The following SLC44A3 variants were observed in gnomAD, a reference collection of about 807,000 sequenced individuals.
SLC44A3 encodes choline transporter-like protein 3.
Under a neutral mutation model 75.4 loss-of-function variants are expected in SLC44A3, and 74 were observed. That is an observed-to-expected ratio of 0.98 (90% confidence interval 0.81 to 1.19). The LOEUF (loss-of-function observed/expected upper bound fraction) is 1.19, where lower values mean the gene tolerates loss of function less well. Ranked by LOEUF, SLC44A3 falls within the 50% of genes most tolerant of loss-of-function variation. The pLI, the probability that SLC44A3 is intolerant of heterozygous loss-of-function variation, is 0.00. For missense variants in SLC44A3, 700 were observed against 778.6 expected (o/e 0.90, Z 1.20); for synonymous variants, 310 against 296.9 (o/e 1.04, Z -0.45).
At chr1:94,892,645 C>A in intron 14 of SLC44A3, 128 bp downstream of exon 14, 3 of 897,026 alleles carry the variant, frequency 3.3e-6, no homozygotes, top group Non-Finnish European at 5.2e-6. Flanking sequence ...GCTTCTACTA[C>A]CCCCGGGCCT....
At chr1:94,871,620 G>A (rs981246823) in intron 12 of SLC44A3, among the ~76,000 whole-genome samples, 3 of 152,220 alleles carry the variant, frequency 2.0e-5, no homozygotes, top group African/African-American at 7.2e-5. Flanking sequence ...CAGCCATGAT[G>A]TTGGCTTTAG....
chr1:94,843,877 G>T (rs1438421081), intron 8 of SLC44A3, among the ~76,000 whole-genome samples: 3 of 151,142 alleles, frequency 2.0e-5, no homozygotes, highest in Admixed American at 6.6e-5. Flanking sequence ...GTGGGGCGGG[G>T]TGGGGGGGGT....
chr1:94,891,084 C>A (rs767590526), intron 12 of SLC44A3, 46 bp from the exon 13 acceptor site: 7 of 1,537,634 alleles, frequency 4.6e-6, no homozygotes, highest in Non-Finnish European at 3.5e-6. Context: ...GCCTTAAAAA[C>A]AATTGTTATA....
At chr1:94,837,678 A>G (rs199796069) in intron 5 of SLC44A3, 33 bp from the exon 6 acceptor site, 1 of 1,537,250 alleles carries the variant, frequency 6.5e-7, no homozygotes, top group Non-Finnish European at 8.7e-7. Flanking sequence ...TGTTAAATAA[A>G]CATTTTTGCC....
chr1:94,837,601 C>T (rs1662988457), intron 5 of SLC44A3, 110 bp from the exon 6 acceptor site: 2 of 1,105,276 alleles, frequency 1.8e-6, no homozygotes, highest in Admixed American at 6.7e-5. Flanking sequence ...AGACGCCTCT[C>T]TATTACTGTA....
chr1:94,823,895 G>A (rs183130452), intron 2 of SLC44A3, among the ~76,000 whole-genome samples: 6 of 152,284 alleles, frequency 3.9e-5, no homozygotes, highest in Admixed American at 2.0e-4. Context: ...CATTCACTAT[G>A]AGAGTGGATA....
intron 12 of SLC44A3, among the ~76,000 whole-genome samples, chr1:94,887,144 G>A (rs1447960173): frequency 1.3e-5 from 2 of 151,990 alleles, no homozygotes; most frequent in African/African-American, 2.4e-5. Context: ...ACCTTGGCAC[G>A]TTAATCCTGA....
intron 10 of SLC44A3, among the ~76,000 whole-genome samples, chr1:94,861,745 C>T (rs746363127): frequency 6.7e-4 from 102 of 152,198 alleles, no homozygotes; most frequent in African/African-American, 1.7e-3. Flanking sequence ...TTATGCACTA[C>T]GAGGGCTGAA....
chr1:94,825,843 A>C, intron 3 of SLC44A3: 1 of 456,234 alleles, frequency 2.2e-6, no homozygotes. Context: ...AGCCACTTAC[A>C]AAGAAGACAG....
chr1:94,820,676 G>C, intron 1 of SLC44A3, 198 bp downstream of exon 1: 1 of 1,378,770 alleles, frequency 7.3e-7, no homozygotes, highest in Non-Finnish European at 9.3e-7. Flanking sequence ...CGGGGGAGAC[G>C]CGGGCCGCGG....
chr1:94,852,886 G>A (rs1571292943), intron 9 of SLC44A3, among the ~76,000 whole-genome samples: 3 of 152,154 alleles, frequency 2.0e-5, no homozygotes, highest in Admixed American at 2.0e-4. Context: ...CATTTTAGGG[G>A]TAGATCAGAA....
intron 5 of SLC44A3, among the ~76,000 whole-genome samples, chr1:94,833,979 G>A (rs1662460599): frequency 6.6e-6 from 1 of 152,154 alleles, no homozygotes; most frequent in South Asian, 2.1e-4. Flanking sequence ...GTAAGCTAAA[G>A]ACAAAAGGAA....
At chr1:94,886,722 T>G (rs771614023) in intron 12 of SLC44A3, among the ~76,000 whole-genome samples, 1 of 152,144 alleles carries the variant, frequency 6.6e-6, no homozygotes, top group Non-Finnish European at 1.5e-5. Flanking sequence ...CATTGTGTTC[T>G]TCCCCCAGTG....
chr1:94,857,536 T>C, intron 10 of SLC44A3, 36 bp downstream of exon 10: 6 of 1,584,158 alleles, frequency 3.8e-6, no homozygotes, highest in Non-Finnish European at 5.1e-6. Flanking sequence ...GGTTTGTCTA[T>C]GTGGTTTATC....
chr1:94,838,655 T>TA (rs1357353548), intron 6 of SLC44A3, among the ~76,000 whole-genome samples: 1 of 152,248 alleles, frequency 6.6e-6, no homozygotes. Flanking sequence ...ATTTCATTAC[T>TA]AAAAGGTTCC....
intron 12 of SLC44A3, chr1:94,889,136 T>A (rs1021864445): frequency 3.9e-5 from 6 of 152,106 alleles, no homozygotes; most frequent in Admixed American, 6.6e-5. Context: ...TTGGGTCAGT[T>A]AATTCTGCTC....
At chr1:94,877,101 G>A (rs1281001435) in intron 12 of SLC44A3, among the ~76,000 whole-genome samples, 1 of 145,560 alleles carries the variant, frequency 6.9e-6, no homozygotes, top group East Asian at 2.0e-4. Context: ...GGTCAGAGAA[G>A]AGCCTTGCCA....
intron 9 of SLC44A3, 127 bp downstream of exon 9, chr1:94,845,591 G>A (rs943768699): frequency 1.7e-5 from 14 of 829,994 alleles, no homozygotes; most frequent in Admixed American, 3.4e-5. Context: ...TGACAGCAGC[G>A]TTGGTGCTTG....
intron 12 of SLC44A3, among the ~76,000 whole-genome samples, chr1:94,878,860 C>T (rs1165643469): frequency 2.0e-5 from 3 of 152,168 alleles, no homozygotes; most frequent in African/African-American, 7.2e-5. Context: ...AACAAATGAT[C>T]TTGGGAAAAC....
Sources: allele counts gnomAD v4.1 joint callset (sites outside exome capture counted in the v4.1 genomes callset), GRCh38; gene constraint gnomAD v4.1.1; transcripts MANE v1.5; gene names NCBI Gene and HGNC (gene_info 2026-07-23, HGNC 2026-07-21).